The following AKR1E2 variants were observed in gnomAD, a reference collection of about 807,000 sequenced individuals.
The protein encoded by AKR1E2 is aldo-keto reductase family 1 member E2.
In AKR1E2, 43 loss-of-function variants were observed where a neutral mutation model predicts 41.9. The observed-to-expected ratio is 1.03, with a 90% CI of 0.80 to 1.32. AKR1E2 has a LOEUF of 1.32. Among genes scored for constraint, AKR1E2 ranks in the 40% most tolerant of loss-of-function variants. The pLI is 0.00. For missense variants in AKR1E2, 423 were observed against 396.5 expected (o/e 1.07, Z -0.57); for synonymous variants, 121 against 138.9 (o/e 0.87, Z 0.91).
the AKR1E2 span, among the ~76,000 whole-genome samples, chr10:4,863,153 A>G: frequency 2.0e-5 from 3 of 152,238 alleles, no homozygotes; most frequent in Non-Finnish European, 1.5e-5. Context: ...TCAACAGAAT[A>G]TACATTCTTC....
chr10:4,853,434 C>A, the AKR1E2 span, among the ~76,000 whole-genome samples: 1 of 131,776 alleles, frequency 7.6e-6, no homozygotes, highest in African/African-American at 2.9e-5. Flanking sequence ...CAATGAGGAA[C>A]TTGTTGCCAA....
rs376995152 is a variant in AKR1E2, at chr10:4,842,429, C to T, written c.762C>T (p.Ile254=). 3.3e-5 allele frequency: 54 copies of T among 1,613,860 alleles called. No homozygotes were observed. Among genetic ancestry groups the T allele is most frequent in the Non-Finnish European group, 4.4e-5 (52 of 1,179,916 alleles). ...EHGKSPAQIL[I]RFQIQRNVIV... is the part of the protein sequence containing the mutation. ...TTTTTGTTTCCTTGCAGATTTTGAT[C>T]CGATTTCAAATCCAGAGGAATGTGA... Residue 254 remains isoleucine (I), a synonymous_variant, in exon 8 of 10, where the codon ATC becomes ATT. Transcript: ENST00000298375.
chr10:4,864,571 C>T, the AKR1E2 span, among the ~76,000 whole-genome samples: 1 of 144,402 alleles, frequency 6.9e-6, no homozygotes, highest in Admixed American at 6.8e-5. Flanking sequence ...TGCCCTCTCT[C>T]ACCACTCCTA....
rs1315649216 is a variant in AKR1E2, at chr10:4,826,225, C to A, written c.-100C>A. 2 of 966,470 alleles carry A rather than the reference C, an allele frequency of 2.1e-6. No individual in the cohort carries two copies. The highest frequency in any genetic ancestry group is 3.4e-5 in the African/African-American group (2 of 59,432). The allele number at this position is 966,470 out of a possible 1,614,324, so 59.9% of individuals were successfully genotyped here. ...GTCAGCCGTCACAAGGCACTTCCAG[C>A]CAGTCGCAACGGCGGGTCGCCAGCG... On this transcript the variant is annotated 5_prime_UTR_variant, in exon 1 of 10. Transcript: ENST00000298375.
At chr10:4,841,154 G>T (rs1039361537) in intron 6 of AKR1E2, among the ~76,000 whole-genome samples, 33 of 152,066 alleles carry the variant, frequency 2.2e-4, no homozygotes. Context: ...TGGGCAACTG[G>T]GCACTCTGTT....
At chr10:4,825,404 C>G (rs903803911), upstream of AKR1E2, among the ~76,000 whole-genome samples, 1 of 152,058 alleles carries the variant, frequency 6.6e-6, no homozygotes, top group African/African-American at 2.4e-5. Flanking sequence ...TCCCTTGACC[C>G]CTCTTTCCCT....
chr10:4,850,181 A>G (rs1834496804), downstream of AKR1E2, among the ~76,000 whole-genome samples: 2 of 151,726 alleles, frequency 1.3e-5, no homozygotes, highest in Non-Finnish European at 2.9e-5. Flanking sequence ...GTTCTTCCCC[A>G]CTCTGGGGCC....
chr10:4,863,476 T>C, the AKR1E2 span, among the ~76,000 whole-genome samples: 1 of 151,416 alleles, frequency 6.6e-6, no homozygotes, highest in Non-Finnish European at 1.5e-5. Context: ...TAGAGGGAAA[T>C]TTATAGCACT....
chr10:4,841,698 C>A lies in AKR1E2; in HGVS notation c.681-87C>A, dbSNP rs1411070370. ...TGTCATGATCAGAAAATAAATCTTT[C>A]ATTTTGGACAAAGATTTCTTCTTTC... On this transcript the variant is annotated intron_variant, in intron 6 of 9. Transcript: ENST00000298375. The A allele has an allele frequency of 7.7e-6, 8 of 1,045,316 alleles. No individual in the cohort carries two copies. In the Admixed American group the frequency reaches 1.8e-4, roughly 23 times the overall value. The allele number at this position is 1,045,316 out of a possible 1,614,324, so 64.8% of individuals were successfully genotyped here.
chr10:4,853,012 A>G (rs1399843863), downstream of AKR1E2, among the ~76,000 whole-genome samples: 1 of 152,212 alleles, frequency 6.6e-6, no homozygotes, highest in African/African-American at 2.4e-5. Flanking sequence ...AACCTCAGGA[A>G]ATGATCAGAG....
the AKR1E2 span, among the ~76,000 whole-genome samples, chr10:4,860,971 G>C: frequency 6.6e-6 from 1 of 152,116 alleles, no homozygotes; most frequent in Non-Finnish European, 1.5e-5. Context: ...CATAAATCAT[G>C]GTATGGTTTT....
At chr10:4,857,539 C>T in the AKR1E2 span, among the ~76,000 whole-genome samples, 1 of 152,202 alleles carries the variant, frequency 6.6e-6, no homozygotes, top group Admixed American at 6.5e-5. Context: ...GCTTTCTATA[C>T]AGCCTGTGGA....
intron 2 of AKR1E2, among the ~76,000 whole-genome samples, chr10:4,831,130 C>A (rs996977586): frequency 6.6e-6 from 1 of 152,174 alleles, no homozygotes; most frequent in African/African-American, 2.4e-5. Context: ...AGGACAAAGT[C>A]CTAGCCCTCA....
In AKR1E2 at chr10:4,847,683, A is replaced by C; in HGVS notation, c.*153A>C. Reference sequence around the variant, plus strand: ...GATGTAAGAGCCACCTTCTCTGACAAATCTGGAGAATTGAGTGTGTTCTAA... The same window carrying C: ...GATGTAAGAGCCACCTTCTCTGACACATCTGGAGAATTGAGTGTGTTCTAA... On this transcript the variant is annotated 3_prime_UTR_variant, in exon 10 of 10. Transcript: ENST00000298375. The C allele has an allele frequency of 1.2e-6, 1 of 819,130 alleles. No homozygotes were observed. The highest frequency in any genetic ancestry group is 2.6e-5 in the Admixed American group (1 of 37,994). 50.7% of individuals were successfully genotyped at this position (819,130 alleles called of 1,614,324 possible).
At chr10:4,827,227 T>TAA (rs1832610613) in intron 1 of AKR1E2, among the ~76,000 whole-genome samples, 2 of 152,184 alleles carry the variant, frequency 1.3e-5, no homozygotes, top group South Asian at 4.1e-4. Context: ...GGGTGCAGCG[T>TAA]AATGTTTTGA....
the AKR1E2 span, among the ~76,000 whole-genome samples, chr10:4,860,924 C>T: frequency 4.9e-3 from 740 of 152,250 alleles, 3 homozygotes; most frequent in Admixed American, 0.011. Context: ...AGAGATGCTT[C>T]GATGCACATA....
intron 5 of AKR1E2, among the ~76,000 whole-genome samples, chr10:4,839,458 T>G (rs1479371469): frequency 1.0e-5 from 1 of 96,598 alleles, no homozygotes; most frequent in African/African-American, 3.6e-5. Flanking sequence ...AATCTTTATC[T>G]GAGTGCTCAG....
chr10:4,845,113 A>G (rs1322393326), intron 8 of AKR1E2, among the ~76,000 whole-genome samples: 1 of 152,148 alleles, frequency 6.6e-6, no homozygotes, highest in Non-Finnish European at 1.5e-5. Flanking sequence ...CCGGTGGGCC[A>G]GCACTGCTGG....
At chr10:4,860,788 C>CT in the AKR1E2 span, among the ~76,000 whole-genome samples, 1 of 152,062 alleles carries the variant, frequency 6.6e-6, no homozygotes, top group Non-Finnish European at 1.5e-5. Context: ...GCTTTATTGG[C>CT]TTTTTTTGTT....
Sources: gnomAD v4.1 joint callset for allele counts (sites outside exome capture counted in the v4.1 genomes callset) on GRCh38, gnomAD v4.1.1 for gene constraint, MANE v1.5 for transcripts, NCBI Gene and HGNC (gene_info 2026-07-23, HGNC 2026-07-21) for gene names.